IL19: variants seen among roughly 807,000 people sequenced by gnomAD.
The protein encoded by IL19 is interleukin 19.
Under a neutral mutation model 19.5 loss-of-function variants are expected in IL19, and 15 were observed. The ratio of observed to expected loss-of-function variants is 0.77; its 90% CI spans 0.52 to 1.19. IL19 has a LOEUF of 1.19. Ranked by LOEUF, IL19 falls within the 50% of genes most tolerant of loss-of-function variation. The pLI is 0.00. For missense variants in IL19, 199 were observed against 213.1 expected (o/e 0.93, Z 0.41); for synonymous variants, 78 against 78.3 (o/e 1.00, Z 0.02).
chr1:206,838,393 G>A (rs759033875), intron 4 of IL19, among the ~76,000 whole-genome samples: 5 of 152,168 alleles, frequency 3.3e-5, no homozygotes, highest in Admixed American at 6.5e-5. Flanking sequence ...CTCTGCATAC[G>A]TGAGAGACAC....
intron 2 of IL19, among the ~76,000 whole-genome samples, chr1:206,811,401 G>A (rs543790692): frequency 3.7e-4 from 53 of 141,628 alleles, no homozygotes; most frequent in Non-Finnish European, 6.4e-4. Context: ...CCGAGATCTC[G>A]CCACTGCACT....
At chr1:206,831,668 C>T (rs965708915) in intron 2 of IL19, among the ~76,000 whole-genome samples, 6 of 152,158 alleles carry the variant, frequency 3.9e-5, no homozygotes, top group African/African-American at 2.4e-5. Context: ...CTTCATGCTG[C>T]GCCTACATGG....
rs534265883 is a variant in IL19 at position 206,817,259 on chromosome 1, AG to A, written c.-3+18254del. ...AACTGCGCATGCCTAAGGACTTTCC[AG>A]ACCTCCCTTTCCTTCCACCAATCAC... is the stretch of plus-strand genomic sequence containing the variant. On this transcript the variant is annotated intron_variant, in intron 2 of 6. Coordinates refer to ENST00000659997, the MANE Select transcript of IL19 (RefSeq NM_153758.5). Among the ~76,000 whole-genome samples, 12 of 152,348 alleles carry A rather than the reference AG, an allele frequency of 7.9e-5. No individual in the cohort carries two copies. The South Asian group carries it at 2.3e-3, about 29-fold the overall frequency.
intron 2 of IL19, among the ~76,000 whole-genome samples, 178 bp downstream of exon 2, chr1:206,799,184 A>AG (rs1017314030): frequency 1.3e-5 from 2 of 152,026 alleles, no homozygotes; most frequent in Non-Finnish European, 2.9e-5. Context: ...TTAGGGGAGA[A>AG]GGGGGGGTCA....
intron 1 of IL19, among the ~76,000 whole-genome samples, chr1:206,777,272 T>G (rs1572543143): frequency 4.3e-5 from 5 of 115,946 alleles, no homozygotes; most frequent in Admixed American, 1.0e-4. Context: ...CTAGGTGTGG[T>G]GGTTGGCGCC....
intron 2 of IL19, among the ~76,000 whole-genome samples, chr1:206,816,764 A>G (rs1449424492): frequency 2.0e-5 from 3 of 152,228 alleles, no homozygotes; most frequent in Non-Finnish European, 4.4e-5. Flanking sequence ...TTTTAAAGAA[A>G]ATACGTGAGA....
At chr1:206,777,196 A>C (rs1340615309) in intron 1 of IL19, among the ~76,000 whole-genome samples, 3 of 138,554 alleles carry the variant, frequency 2.2e-5, no homozygotes, top group African/African-American at 8.1e-5. Context: ...GCGTCACTGC[A>C]CTCCAGCCTG....
At chr1:206,824,638 T>G (rs1411823831) in intron 2 of IL19, among the ~76,000 whole-genome samples, 1 of 152,114 alleles carries the variant, frequency 6.6e-6, no homozygotes, top group Non-Finnish European at 1.5e-5. Flanking sequence ...ACAGAGCTAG[T>G]AAGAGTAGGG....
At chr1:206,814,557 A>C (rs1221982999) in intron 2 of IL19, among the ~76,000 whole-genome samples, 2 of 150,578 alleles carry the variant, frequency 1.3e-5, no homozygotes, top group Non-Finnish European at 3.0e-5. Flanking sequence ...AACCAGGCAT[A>C]GTGACGGCCC....
At chr1:206,775,544 G>C (rs1041412523) in intron 1 of IL19, among the ~76,000 whole-genome samples, 1 of 152,124 alleles carries the variant, frequency 6.6e-6, no homozygotes, top group African/African-American at 2.4e-5. Flanking sequence ...TGGAGATAAC[G>C]GCTTCTCCAT....
rs570810974 is a variant in IL19 at position 206,840,959 on chromosome 1, GA to G, written c.364-44del. 538 of 1,498,770 alleles carry G rather than the reference GA, an allele frequency of 3.6e-4. No homozygotes were observed. The African/African-American group carries it at 6.2e-3, about 17-fold the overall frequency. The allele number at this position is 1,498,770 out of a possible 1,614,324, so 92.8% of individuals were successfully genotyped here. ...GGGAGGCAGGAGTAAGAGAGGGCCAGAGTGGAAATGTCCTCTGATAGGAGCT... is the reference window on the plus strand; with the variant it reads ...GGGAGGCAGGAGTAAGAGAGGGCCAGGTGGAAATGTCCTCTGATAGGAGCT... On this transcript the variant is annotated intron_variant, in intron 5 of 6. Transcript: ENST00000659997.
At chr1:206,838,348 G>A (rs1366150725) in intron 4 of IL19, among the ~76,000 whole-genome samples, 4 of 152,186 alleles carry the variant, frequency 2.6e-5, no homozygotes, top group African/African-American at 4.8e-5. Context: ...AGAGTGTAAG[G>A]TATATTTGTA....
chr1:206,808,354 A>G (rs1459107395), intron 2 of IL19, among the ~76,000 whole-genome samples: 1 of 152,194 alleles, frequency 6.6e-6, no homozygotes, highest in African/African-American at 2.4e-5. Context: ...ACAACAAAAA[A>G]CAAACCATAC....
At chr1:206,794,324 G>A (rs1675471749) in intron 1 of IL19, among the ~76,000 whole-genome samples, 1 of 152,170 alleles carries the variant, frequency 6.6e-6, no homozygotes, top group Non-Finnish European at 1.5e-5. Context: ...CTCAATGCGT[G>A]GTGGTTTATT....
chr1:206,793,076 G>A (rs545629446), intron 1 of IL19, among the ~76,000 whole-genome samples: 61 of 152,314 alleles, frequency 4.0e-4, no homozygotes, highest in African/African-American at 8.7e-4. Context: ...GAGTTAGAAG[G>A]ATTTGCATCT....
intron 1 of IL19, among the ~76,000 whole-genome samples, chr1:206,781,767 C>A (rs151104328): frequency 6.6e-6 from 1 of 150,790 alleles, no homozygotes; most frequent in Non-Finnish European, 1.5e-5. Context: ...CAGCTGTTGG[C>A]GAACTATGTG....
intron 6 of IL19, among the ~76,000 whole-genome samples, chr1:206,842,011 CA>C (rs1407281462): frequency 8.5e-5 from 13 of 152,174 alleles, no homozygotes; most frequent in African/African-American, 3.1e-4. Flanking sequence ...TGGAATAAGG[CA>C]GGAGACTTGG....
intron 2 of IL19, among the ~76,000 whole-genome samples, chr1:206,806,556 C>T (rs1245306487): frequency 1.3e-5 from 2 of 152,260 alleles, no homozygotes; most frequent in Non-Finnish European, 2.9e-5. Flanking sequence ...GAATTCTATG[C>T]CTAGGTAAAT....
intron 2 of IL19, among the ~76,000 whole-genome samples, chr1:206,810,461 A>C (rs1331870012): frequency 3.3e-5 from 5 of 152,238 alleles, no homozygotes; most frequent in African/African-American, 9.6e-5. Flanking sequence ...CCAGCCTCAC[A>C]TCCATCCCCC....
Sources: gnomAD v4.1 joint callset for allele counts (sites outside exome capture counted in the v4.1 genomes callset) on GRCh38, gnomAD v4.1.1 for gene constraint, MANE v1.5 for transcripts, NCBI Gene and HGNC (gene_info 2026-07-23, HGNC 2026-07-21) for gene names.